Variants in HAT1 observed in about 807,000 individuals in gnomAD.
The protein encoded by HAT1 is histone acetyltransferase 1, also known as histone acetyltransferase type B catalytic subunit.
HAT1 carries 20 observed loss-of-function variants against 56.6 expected under a neutral mutation model. That is an observed-to-expected ratio of 0.35 (90% CI 0.25 to 0.51). The LOEUF is 0.51. HAT1 is among the 20% of genes least tolerant of loss of function. The pLI is 0.95. For synonymous variants in HAT1, 146 were observed against 165.5 expected, an observed-to-expected ratio of 0.88 and a Z score of 0.91; for missense variants, 408 against 504.3, an observed-to-expected ratio of 0.81 and a Z score of 1.83.
At chr2:171,925,971 GA>G (rs1309955035) in intron 2 of HAT1, among the ~76,000 whole-genome samples, 2 of 151,980 alleles carry the variant, frequency 1.3e-5, no homozygotes, top group African/African-American at 2.4e-5. Context: ...TGAGGATGTG[GA>G]AAAAAACACT....
At chr2:171,953,252 C>G (rs1415151413) in intron 4 of HAT1, among the ~76,000 whole-genome samples, 1 of 151,802 alleles carries the variant, frequency 6.6e-6, no homozygotes, top group African/African-American at 2.4e-5. Flanking sequence ...AGGCTGAGGT[C>G]AGAGGATGGC....
intron 2 of HAT1, among the ~76,000 whole-genome samples, chr2:171,938,076 T>TCTCTCTCTCTC (rs1574039412): frequency 1.6e-5 from 1 of 63,654 alleles, no homozygotes; most frequent in African/African-American, 5.9e-5. Context: ...CTCTCTCTCT[T>TCTCTCTCTCTC]TAAATGAACT....
intron 2 of HAT1, among the ~76,000 whole-genome samples, chr2:171,941,179 C>G (rs897669206): frequency 6.6e-6 from 1 of 152,030 alleles, no homozygotes; most frequent in African/African-American, 2.4e-5. Flanking sequence ...ACTTGCCACT[C>G]ACTACTCACT....
At chr2:171,970,690 T>C (rs1397128050) in intron 8 of HAT1, among the ~76,000 whole-genome samples, 1 of 149,648 alleles carries the variant, frequency 6.7e-6, no homozygotes, top group African/African-American at 2.4e-5. Context: ...CGGCTAATTT[T>C]TGTATTTTTA....
At chr2:171,946,340 TTC>T (rs1221893595) in intron 2 of HAT1, among the ~76,000 whole-genome samples, 1 of 152,334 alleles carries the variant, frequency 6.6e-6, no homozygotes, top group African/African-American at 2.4e-5. Flanking sequence ...TCTTACAGCA[TTC>T]TGTTTTCATT....
chr2:171,935,026 G>C (rs1328368582), intron 2 of HAT1, among the ~76,000 whole-genome samples: 1 of 151,452 alleles, frequency 6.6e-6, no homozygotes, highest in Non-Finnish European at 1.5e-5. Context: ...AAAGTGCTGG[G>C]ATTACAGGCG....
chr2:171,967,098 T>C (rs1687701274), intron 8 of HAT1, 149 bp downstream of exon 8: 6 of 576,798 alleles, frequency 1.0e-5, no homozygotes, highest in Non-Finnish European at 1.9e-5. Context: ...GTTTATGTTT[T>C]AGAGCATAAG....
chr2:171,974,173 C>CAAAA (rs1183466393), intron 8 of HAT1, among the ~76,000 whole-genome samples: 273 of 45,150 alleles, frequency 6.0e-3, no homozygotes, highest in African/African-American at 0.026. Flanking sequence ...GACCCTGTCT[C>CAAAA]AAAAAAAAAA....
chr2:171,947,027 G>A (rs965522634), intron 3 of HAT1, among the ~76,000 whole-genome samples: 2 of 151,980 alleles, frequency 1.3e-5, no homozygotes, highest in Non-Finnish European at 2.9e-5. Context: ...ATTATTTGCT[G>A]CTTTGTGCAT....
chr2:171,977,555 ATATTTT>A (rs1330078675), intron 9 of HAT1, among the ~76,000 whole-genome samples: 2 of 11,216 alleles, frequency 1.8e-4, no homozygotes, highest in Admixed American at 1.2e-3. Context: ...ATATATATAT[ATATTTT>A]TTTTTTTTTT....
At chr2:171,979,506 T>A (rs1688079779) in intron 10 of HAT1, 143 bp downstream of exon 10, 2 of 576,376 alleles carry the variant, frequency 3.5e-6, no homozygotes, top group Non-Finnish European at 6.2e-6. Context: ...TTCCAGTAAT[T>A]TATAAAAATT....
At chr2:171,924,030 C>T (rs185262784) in intron 1 of HAT1, 1 of 152,278 alleles carries the variant, frequency 6.6e-6, no homozygotes, top group African/African-American at 2.4e-5. Flanking sequence ...CTTACTAGCT[C>T]AGTAAGTGTG....
At chr2:171,945,950 A>C (rs1236850039) in intron 2 of HAT1, among the ~76,000 whole-genome samples, 1 of 152,096 alleles carries the variant, frequency 6.6e-6, no homozygotes. Flanking sequence ...GATTACAGGC[A>C]TGAGCCACTG....
At chr2:171,926,005 A>G (rs1219349321) in intron 2 of HAT1, among the ~76,000 whole-genome samples, 1 of 152,204 alleles carries the variant, frequency 6.6e-6, no homozygotes, top group African/African-American at 2.4e-5. Flanking sequence ...GTGGGAATGT[A>G]AAGTGATATA....
At chr2:171,961,782 A>G (rs1373551756) in intron 4 of HAT1, among the ~76,000 whole-genome samples, 2 of 152,198 alleles carry the variant, frequency 1.3e-5, no homozygotes, top group African/African-American at 4.8e-5. Flanking sequence ...CATTAGTGAA[A>G]AAGTTCACAC....
intron 6 of HAT1, 158 bp downstream of exon 6, chr2:171,966,066 G>GT (rs1558976142): frequency 1.5e-6 from 1 of 660,008 alleles, no homozygotes; most frequent in East Asian, 2.7e-5. Flanking sequence ...TATGCTTTGG[G>GT]AGACCTTGAG....
chr2:171,972,342 G>A (rs1158670276), intron 8 of HAT1, among the ~76,000 whole-genome samples: 3 of 151,002 alleles, frequency 2.0e-5, no homozygotes, highest in East Asian at 3.9e-4. Context: ...AGCTTATTGC[G>A]CCTTGAACTC....
At chr2:171,961,592 C>T (rs1284283311) in intron 4 of HAT1, among the ~76,000 whole-genome samples, 4 of 151,812 alleles carry the variant, frequency 2.6e-5, no homozygotes, top group African/African-American at 7.3e-5. Flanking sequence ...CCAGAAATTT[C>T]GAAAAAATCT....
intron 3 of HAT1, among the ~76,000 whole-genome samples, 157 bp from the exon 4 acceptor site, chr2:171,952,724 A>G (rs1415552517): frequency 1.3e-5 from 2 of 152,252 alleles, no homozygotes; most frequent in African/African-American, 4.8e-5. Context: ...TCTATTTTAT[A>G]GATGAAAACT....
Sources: allele counts gnomAD v4.1 joint callset (sites outside exome capture counted in the v4.1 genomes callset), GRCh38; gene constraint gnomAD v4.1.1; transcripts MANE v1.5; gene names NCBI Gene and HGNC (gene_info 2026-07-23, HGNC 2026-07-21).